Variants in IFT22 observed in about 807,000 individuals in gnomAD.
IFT22 encodes intraflagellar transport 22.
Under a neutral mutation model 21.0 loss-of-function variants are expected in IFT22, and 13 were observed. The observed-to-expected ratio is 0.62, with a 90% confidence interval of 0.40 to 0.98. The LOEUF is 0.98. IFT22 is among the 50% of genes least tolerant of loss of function. IFT22 has a pLI of 0.00. For missense variants in IFT22, 227 were observed against 228.9 expected, an observed-to-expected ratio of 0.99 and a Z score of 0.06; for synonymous variants, 67 against 82.4, an observed-to-expected ratio of 0.81 and a Z score of 1.01.
rs1294618546 is a variant in IFT22, at chr7:101,311,709, A to T, written c.*3425T>A. On this transcript the variant is annotated 3_prime_UTR_variant, in exon 5 of 5. Transcript: ENST00000315322. ...TTAAAAAATTACAAACATAACAATTATGAATGAAAAATAACTCCATGGCTG... is the reference window on the plus strand; with the variant it reads ...TTAAAAAATTACAAACATAACAATTTTGAATGAAAAATAACTCCATGGCTG... Among the ~76,000 whole-genome samples, 2 of 152,206 alleles carry T rather than the reference A, an allele frequency of 1.3e-5. No individual in the cohort carries two copies. The highest frequency in any genetic ancestry group is 4.8e-5 in the African/African-American group (2 of 41,454).
At position 101,316,352 on chromosome 7, in the gene IFT22, T is replaced by C. The variant is rs1157692282; in HGVS notation, c.397A>G (p.Ser133Gly). The change falls in exon 4 of 5, where the codon AGC becomes GGC. Residue 133 changes from serine (S) to glycine (G), a missense_variant. Physicochemically the swap from Ser to Gly is moderately conservative, Grantham distance 56. Coordinates refer to ENST00000315322, the MANE Select transcript of IFT22 (RefSeq NM_022777.4). ...HKPGSGDDKG[S>G]LSLSPPLNKL... is the part of the protein sequence containing the mutation. ...CCAGTTTCCTTACACAAAGACAGGC[T>C]TCCTTTATCATCTCCAGAGCCTGGT... 1.3e-5 allele frequency: 21 copies of C among 1,614,034 alleles called. No individual in the cohort carries two copies. Among genetic ancestry groups the C allele is most frequent in the Non-Finnish European group, 1.8e-5 (21 of 1,180,036 alleles).
At chr7:101,318,519 CA>C (rs368413526) in intron 2 of IFT22, 2,706 of 236,868 alleles carry the variant, frequency 0.011, no homozygotes, top group Middle Eastern at 0.02. Flanking sequence ...GACTCCATCC[CA>C]AAAAAAAAAG....
intron 4 of IFT22, 50 bp downstream of exon 4, chr7:101,316,290 T>C (rs1230940927): frequency 1.3e-6 from 2 of 1,554,004 alleles, no homozygotes; most frequent in South Asian, 2.2e-5. Flanking sequence ...AATATGTAGG[T>C]GTCCAAAACA....
chr7:101,315,448 G>A (rs1790117645), intron 4 of IFT22, 166 bp from the exon 5 acceptor site: 5 of 703,894 alleles, frequency 7.1e-6, no homozygotes, highest in Admixed American at 2.8e-5. Flanking sequence ...GCCCCCTGGC[G>A]ACAGGATGAA....
rs770550921 is a variant in IFT22, at chr7:101,313,155, T to G, written c.*1979A>C. On this transcript the variant is annotated 3_prime_UTR_variant, in exon 5 of 5. Transcript: ENST00000315322. ...GGCCTCCAGGCTCAAGCAATTCTTA[T>G]GCCTCAGCCACATGAGTAGCTGGTA... Among the ~76,000 whole-genome samples, 1 of 152,178 alleles carries G rather than the reference T, an allele frequency of 6.6e-6. No homozygotes were observed. Among genetic ancestry groups the G allele is most frequent in the African/African-American group, 2.4e-5 (1 of 41,450 alleles).
Position 101,313,135 on chromosome 7 carries a change from C to T in IFT22, c.*1999G>A, listed in dbSNP as rs373792738. Reference sequence around the variant, plus strand: ...AGGCGTAAGCCACTGCACCCGGCCTCCAGGCTCAAGCAATTCTTATGCCTC... The same window carrying T: ...AGGCGTAAGCCACTGCACCCGGCCTTCAGGCTCAAGCAATTCTTATGCCTC... On this transcript the variant is annotated 3_prime_UTR_variant, in exon 5 of 5. Transcript: ENST00000315322. Among the ~76,000 whole-genome samples, 14 of 152,136 alleles carry T rather than the reference C, an allele frequency of 9.2e-5. No homozygotes were observed. The South Asian group carries it at 2.9e-3, about 32-fold the overall frequency.
At chr7:101,319,132 A>AT (rs1790253842) in intron 1 of IFT22, 100 bp from the exon 2 acceptor site, 1 of 1,140,296 alleles carries the variant, frequency 8.8e-7, no homozygotes, top group Non-Finnish European at 1.3e-6. Context: ...GTGGTGCAGT[A>AT]TAGGTCATGG....
At chr7:101,316,696 G>A (rs936317925) in intron 3 of IFT22, among the ~76,000 whole-genome samples, 154 bp from the exon 4 acceptor site, 19 of 152,178 alleles carry the variant, frequency 1.2e-4, no homozygotes, top group African/African-American at 3.4e-4. Context: ...AGGCCGAGGC[G>A]GGCGATCACG....
In IFT22 at chr7:101,311,959, T is replaced by C. The variant is rs1045558510; in HGVS notation, c.*3175A>G. Among the ~76,000 whole-genome samples the C allele has an allele frequency of 2.6e-5, 4 of 151,798 alleles. No individual in the cohort carries two copies. The highest frequency in any genetic ancestry group is 4.2e-4 in the South Asian group (2 of 4,804). On this transcript the variant is annotated 3_prime_UTR_variant, in exon 5 of 5. Transcript: ENST00000315322. Reference sequence around the variant, plus strand: ...GAGGGTGGAGATTGCAGTGAGACTCTCAAAAAAACAAAACAACACAAAAAA... The same window carrying C: ...GAGGGTGGAGATTGCAGTGAGACTCCCAAAAAAACAAAACAACACAAAAAA...
chr7:101,317,862 C>T (rs2116926410), intron 3 of IFT22, among the ~76,000 whole-genome samples: 1 of 152,272 alleles, frequency 6.6e-6, no homozygotes, highest in South Asian at 2.1e-4. Context: ...ACCTCCGCCT[C>T]CAGGTTCAAG....
rs748217655 is a variant in IFT22, at chr7:101,316,521, G to C, written c.228C>G (p.Ala76=). 6.2e-7 allele frequency: 1 copy of C among 1,614,058 alleles called. No homozygotes were observed. The highest frequency in any genetic ancestry group is 1.7e-5 in the Admixed American group (1 of 59,986). ...CCACTCCATGAGCATCCTTCATCAG[G>C]GCCGGCCAGCAGGACTCAAACCTGC... The part of the protein sequence containing the change: ...GDAKFESCWP[A]LMKDAHGVVI... Residue 76 remains alanine (A), a synonymous_variant, in exon 4 of 5, where the codon GCC becomes GCG. Transcript: ENST00000315322.
At chr7:101,316,899 G>A (rs2116923618) in intron 3 of IFT22, among the ~76,000 whole-genome samples, 1 of 152,112 alleles carries the variant, frequency 6.6e-6, no homozygotes, top group East Asian at 1.9e-4. Flanking sequence ...ACTCCAGCGT[G>A]GGTGACAGAG....
chr7:101,316,558 G>C lies in IFT22; in HGVS notation c.207-16C>G. On this transcript the variant is annotated splice_polypyrimidine_tract_variant and intron_variant, in intron 3 of 4. Coordinates refer to ENST00000315322, the MANE Select transcript of IFT22 (RefSeq NM_022777.4). The stretch of plus-strand genomic sequence containing the variant: ...GGACTCAAACCTGCGAGGAAGAAAA[G>C]GAACAACAGGGAAAGTTAGGTCATT... 6.2e-7 allele frequency: 1 copy of C among 1,611,762 alleles called. No homozygotes were observed. Among genetic ancestry groups the C allele is most frequent in the South Asian group, 1.1e-5 (1 of 91,020 alleles).
chr7:101,315,046 A>C lies in IFT22; in HGVS notation c.*88T>G. The C allele has an allele frequency of 7.0e-7, 1 of 1,435,526 alleles. No homozygotes were observed. The highest frequency in any genetic ancestry group is 9.5e-7 in the Non-Finnish European group (1 of 1,057,318). 88.9% of individuals were successfully genotyped at this position (1,435,526 alleles called of 1,614,324 possible). ...TTCCTCTGCAGTCAGAGGGAGAAGA[A>C]AACATCAGGAGCTGGATGTGATTTC... On this transcript the variant is annotated 3_prime_UTR_variant, in exon 5 of 5. Coordinates refer to ENST00000315322, the MANE Select transcript of IFT22 (RefSeq NM_022777.4).
At chr7:101,319,816 TG>T (rs1417483240) in intron 1 of IFT22, among the ~76,000 whole-genome samples, 2 of 151,746 alleles carry the variant, frequency 1.3e-5, no homozygotes, top group East Asian at 3.9e-4. Context: ...AGCTAATTTT[TG>T]TATTGCTTGT....
At chr7:101,321,327 C>A in intron 1 of IFT22, 1 of 306,326 alleles carries the variant, frequency 3.3e-6, no homozygotes, top group South Asian at 4.7e-5. Flanking sequence ...CTGTCTCAAA[C>A]AAAAGTCCAG....
rs1275283065 is a variant in IFT22 at position 101,321,662 on chromosome 7, A to G, written c.39+9T>C. The G allele has an allele frequency of 4.4e-6, 7 of 1,598,988 alleles. No homozygotes were observed. The highest frequency in any genetic ancestry group is 6.0e-6 in the Non-Finnish European group (7 of 1,172,970). ...CCCGCTCCCTCTGCCGCGCCGGGCC[A>G]GGACTTACCTCGCAAGGCCCCACGA... On this transcript the variant is annotated intron_variant, in intron 1 of 4. Transcript: ENST00000315322.
intron 3 of IFT22, 68 bp from the exon 4 acceptor site, chr7:101,316,610 AG>A: frequency 6.6e-7 from 1 of 1,504,146 alleles, no homozygotes; most frequent in South Asian, 1.2e-5. Flanking sequence ...GACTTTAAAA[AG>A]AATATCTTAG....
Position 101,312,873 on chromosome 7 carries a change from G to A in IFT22, c.*2261C>T, listed in dbSNP as rs934007311. 6.6e-6 allele frequency among the ~76,000 whole-genome samples: 1 copy of A among 151,656 alleles called. No individual in the cohort carries two copies. The highest frequency in any genetic ancestry group is 2.4e-5 in the African/African-American group (1 of 41,246). On this transcript the variant is annotated 3_prime_UTR_variant, in exon 5 of 5. Coordinates refer to ENST00000315322, the MANE Select transcript of IFT22 (RefSeq NM_022777.4). ...TTTGAGATGGAGTTTTGCTCTTGTT[G>A]CCCAGGCTGGAGTGCAATGGCACAA... is the stretch of plus-strand genomic sequence containing the variant.
Sources: allele counts gnomAD v4.1 joint callset (sites outside exome capture counted in the v4.1 genomes callset), GRCh38; gene constraint gnomAD v4.1.1; transcripts MANE v1.5; gene names NCBI Gene and HGNC (gene_info 2026-07-23, HGNC 2026-07-21).